Variants in CATSPER2 observed in about 807,000 individuals in gnomAD.
The protein encoded by CATSPER2 is cation channel sperm associated 2, also known as cation channel sperm-associated protein 2.
A neutral mutation model predicts 68.8 loss-of-function variants in CATSPER2; 56 were observed. That is an observed-to-expected ratio of 0.81 (90% CI 0.66 to 1.02). CATSPER2 has a LOEUF of 1.02. Among genes scored for constraint, CATSPER2 ranks in the 50% least tolerant of loss-of-function variants. CATSPER2 has a pLI of 0.00. For missense variants in CATSPER2, 582 were observed against 642.0 expected, an observed-to-expected ratio of 0.91 and a Z score of 1.01; for synonymous variants, 198 against 229.9, an observed-to-expected ratio of 0.86 and a Z score of 1.26.
intron 2 of CATSPER2, 84 bp from the exon 3 acceptor site, chr15:43,647,551 T>C (rs2141585569): frequency 1.5e-6 from 2 of 1,304,678 alleles, no homozygotes; most frequent in Non-Finnish European, 2.2e-6. Context: ...ACTGGTCAGG[T>C]AATGGGTTCC....
chr15:43,635,737 TC>T lies in CATSPER2; in HGVS notation c.1110del (p.Ile371SerfsTer13), dbSNP rs1192465315. On this transcript the variant is annotated frameshift_variant, in exon 9 of 13. Coordinates refer to ENST00000396879, the MANE Select transcript of CATSPER2 (RefSeq NM_172095.4). LOFTEE classifies it high-confidence loss of function. ...VQLKADMFKR[Q>X]IIQRRKNMSH... ...AAGGGAGAAGCAGACCTCTGGATGA[TC>T]TGCCGCTTGAACATGTCAGCTTTGA... 1 of 1,612,910 alleles carries T rather than the reference TC, an allele frequency of 6.2e-7. No individual in the cohort carries two copies. The highest frequency in any genetic ancestry group is 1.7e-5 in the Admixed American group (1 of 59,970).
In CATSPER2 at chr15:43,640,374, CAG is replaced by C. The variant is rs1339473675; in HGVS notation, c.509_510del (p.Ser170CysfsTer11). ...EILLKWLSNF[S>X]VFWKSAWNVF... ...ACATTCCAGGCACTCTTCCAGAAAA[CAG>C]AAAAGTTGGATAGCCACTTAAGAAG... On this transcript the variant is annotated frameshift_variant, in exon 5 of 13. Coordinates refer to ENST00000396879, the MANE Select transcript of CATSPER2 (RefSeq NM_172095.4). LOFTEE classifies it high-confidence loss of function. 1 of 1,612,468 alleles carries C rather than the reference CAG, an allele frequency of 6.2e-7. No homozygotes were observed. The highest frequency in any genetic ancestry group is 1.3e-5 in the African/African-American group (1 of 74,694).
At chr15:43,647,527 T>G in intron 2 of CATSPER2, 60 bp from the exon 3 acceptor site, 1 of 1,535,100 alleles carries the variant, frequency 6.5e-7, no homozygotes. Flanking sequence ...CCAGGTAGGG[T>G]TGGGGGCAGG....
chr15:43,631,684 G>A (rs1156775992), intron 12 of CATSPER2: 1 of 249,970 alleles, frequency 4.0e-6, no homozygotes, highest in Admixed American at 4.8e-5. Context: ...ACACTAGAAG[G>A]GGCAGATACA....
chr15:43,641,789 G>A (rs1475130407), intron 4 of CATSPER2, among the ~76,000 whole-genome samples: 2 of 151,998 alleles, frequency 1.3e-5, no homozygotes, highest in Non-Finnish European at 2.9e-5. Flanking sequence ...GTTCACGGAA[G>A]CCTGGCTCTT....
rs1185136316 is a variant in CATSPER2, at chr15:43,628,511, T to C, written c.*2190A>G. ...ACCACTAATCTACTTTCTGTCTTCA[T>C]AGATTTGTTTATTCTGGACATTCAA... On this transcript the variant is annotated 3_prime_UTR_variant, in exon 13 of 13. Transcript: ENST00000396879. 1 of 150,056 alleles carries C rather than the reference T, an allele frequency of 6.7e-6. No individual in the cohort carries two copies. Among genetic ancestry groups the C allele is most frequent in the Non-Finnish European group, 1.5e-5 (1 of 67,668 alleles). 9.3% of individuals were successfully genotyped at this position (150,056 alleles called of 1,614,324 possible).
chr15:43,636,643 A>G (rs1192472402), intron 7 of CATSPER2, among the ~76,000 whole-genome samples: 1 of 151,662 alleles, frequency 6.6e-6, no homozygotes, highest in Non-Finnish European at 1.5e-5. Flanking sequence ...TGCCAGTCTC[A>G]GCCTCCCAAA....
At chr15:43,647,569 C>T (rs1280575606) in intron 2 of CATSPER2, 102 bp from the exon 3 acceptor site, 1 of 1,069,588 alleles carries the variant, frequency 9.3e-7, no homozygotes, top group African/African-American at 1.6e-5. Flanking sequence ...TCCCCTAATG[C>T]CTTACTGCTA....
At chr15:43,647,816 G>C in intron 2 of CATSPER2, 101 bp downstream of exon 2, 1 of 1,315,818 alleles carries the variant, frequency 7.6e-7, no homozygotes, top group Non-Finnish European at 1.1e-6. Context: ...ATCAAGTTTG[G>C]TAAACCAGCA....
rs780443637 is a variant in CATSPER2 at position 43,639,627 on chromosome 15, G to C, written c.717+16C>G. The C allele has an allele frequency of 5.6e-6, 9 of 1,612,304 alleles. No individual in the cohort carries two copies. The South Asian group carries it at 9.9e-5, about 18-fold the overall frequency. ...TCTACCTTGCCCCCTGCTTTAGCTT[G>C]CAACAGTCAAATCACCTTGAGGGCC... On this transcript the variant is annotated intron_variant, in intron 6 of 12. Transcript: ENST00000396879.
In CATSPER2 at chr15:43,648,676, G is replaced by A. The variant is rs1234620220; in HGVS notation, c.-50C>T. The A allele has an allele frequency of 5.3e-5, 76 of 1,424,718 alleles. 1 individual carries two copies. Among genetic ancestry groups the A allele is most frequent in the Middle Eastern group, 2.6e-4 (1 of 3,892 alleles). 88.3% of individuals were successfully genotyped at this position (1,424,718 alleles called of 1,614,324 possible). A position where few individuals can be genotyped will look rare whatever the true frequency, so the allele number is the denominator to read the frequency against. On this transcript the variant is annotated 5_prime_UTR_variant, in exon 1 of 13. Transcript: ENST00000396879. ...CACTCAGTCCTTATTTCACGCTTCC[G>A]CCTCCAGCTCAGGTGCCCCGAGCCT...
intron 4 of CATSPER2, among the ~76,000 whole-genome samples, chr15:43,644,277 T>A (rs538182620): frequency 6.6e-6 from 1 of 152,128 alleles, no homozygotes; most frequent in East Asian, 1.9e-4. Context: ...AGAAATCTGT[T>A]AATCACAAAT....
At chr15:43,640,907 T>C (rs2086060768) in intron 4 of CATSPER2, among the ~76,000 whole-genome samples, 1 of 151,332 alleles carries the variant, frequency 6.6e-6, no homozygotes. Flanking sequence ...TACAGGGCCA[T>C]GATATCTGAA....
Position 43,630,858 on chromosome 15 carries a change from G to C in CATSPER2, c.1562-126C>G, listed in dbSNP as rs1429116646. 5 of 1,581,812 alleles carry C rather than the reference G, an allele frequency of 3.2e-6. No homozygotes were observed. In the East Asian group the frequency reaches 9.1e-5, roughly 29 times the overall value. On this transcript the variant is annotated intron_variant, in intron 12 of 12. Coordinates refer to ENST00000396879, the MANE Select transcript of CATSPER2 (RefSeq NM_172095.4). Reference sequence around the variant, plus strand: ...AAGTCTTTACTAATCTTTAAATTAAGCCATATGATTCTGTGTACTCTTTGC... The same window carrying C: ...AAGTCTTTACTAATCTTTAAATTAACCCATATGATTCTGTGTACTCTTTGC...
intron 4 of CATSPER2, among the ~76,000 whole-genome samples, chr15:43,644,352 T>G (rs765854091): frequency 2.6e-5 from 4 of 152,026 alleles, no homozygotes; most frequent in Non-Finnish European, 5.9e-5. Context: ...AAATAAAATT[T>G]CCAGGAGCTT....
At chr15:43,648,855 C>A (rs1274340431), upstream of CATSPER2, 1 of 1,523,940 alleles carries the variant, frequency 6.6e-7, no homozygotes, top group Admixed American at 2.0e-5. Context: ...GCTCGCCCAG[C>A]CACTCGCCGC....
chr15:43,647,571 T>C, intron 2 of CATSPER2, 104 bp from the exon 3 acceptor site: 1 of 1,038,162 alleles, frequency 9.6e-7, no homozygotes, highest in Non-Finnish European at 1.5e-6. Context: ...CCCTAATGCC[T>C]TACTGCTAGT....
At chr15:43,638,856 C>T in intron 7 of CATSPER2, 48 bp downstream of exon 7, 1 of 1,609,204 alleles carries the variant, frequency 6.2e-7, no homozygotes, top group Non-Finnish European at 8.5e-7. Flanking sequence ...TTCCTGGTCT[C>T]TTAGCCAAAT....
intron 4 of CATSPER2, among the ~76,000 whole-genome samples, chr15:43,644,677 G>A (rs936697295): frequency 2.0e-5 from 3 of 151,898 alleles, no homozygotes; most frequent in African/African-American, 7.3e-5. Flanking sequence ...GCATGTGCGT[G>A]ACCCTTAGGA....
Sources: gnomAD v4.1 joint callset for allele counts (sites outside exome capture counted in the v4.1 genomes callset) on GRCh38, gnomAD v4.1.1 for gene constraint, MANE v1.5 for transcripts, NCBI Gene and HGNC (gene_info 2026-07-23, HGNC 2026-07-21) for gene names.